Variants in COL4A4 observed in about 807,000 individuals in gnomAD.
COL4A4 encodes collagen alpha-4(IV) chain.
In COL4A4, 105 loss-of-function variants were observed where a neutral mutation model predicts 192.9. That is an observed-to-expected ratio of 0.54 (90% CI 0.46 to 0.64). The LOEUF (loss-of-function observed/expected upper bound fraction) is 0.64, where lower values mean the gene tolerates loss of function less well. COL4A4 is among the 30% of genes least tolerant of loss of function. The probability of loss-of-function intolerance (pLI) is 0.00; values close to 1 mark genes in which losing one functional copy is unlikely to be tolerated. For synonymous variants in COL4A4, 762 were observed against 769.9 expected (o/e 0.99, Z 0.17); for missense variants, 1,967 against 2,169.3 (o/e 0.91, Z 1.85).
chr2:227,160,893 G>A (rs1210736623), intron 1 of COL4A4, among the ~76,000 whole-genome samples: 1 of 152,132 alleles, frequency 6.6e-6, no homozygotes, highest in Admixed American at 6.5e-5. Context: ...GATTCTAAAA[G>A]CACCCAAGAG....
intron 37 of COL4A4, among the ~76,000 whole-genome samples, chr2:227,041,851 A>AG (rs1491095815): frequency 2.8e-3 from 233 of 82,798 alleles, no homozygotes; most frequent in Non-Finnish European, 4.0e-3. Flanking sequence ...AAAGAAAGAG[A>AG]AAGAAAGAAA....
In COL4A4 at chr2:227,051,161, G is replaced by A; in HGVS notation, c.2969-3C>T. 6.2e-7 allele frequency: 1 copy of A among 1,614,086 alleles called. No individual in the cohort carries two copies. ...CATCCCGGGAGTTCCTTTATCACCT[G>A]ATGAAGTTGGAAGTGTTACAGGTCT... On this transcript the variant is annotated splice_region_variant and splice_polypyrimidine_tract_variant and intron_variant, in intron 32 of 47. Coordinates refer to ENST00000396625, the MANE Select transcript of COL4A4 (RefSeq NM_000092.5).
At chr2:227,039,365 C>T (rs1970333575) in intron 37 of COL4A4, among the ~76,000 whole-genome samples, 1 of 152,076 alleles carries the variant, frequency 6.6e-6, no homozygotes, top group Non-Finnish European at 1.5e-5. Flanking sequence ...GATGGGGTTT[C>T]GCTATATGTT....
intron 3 of COL4A4, among the ~76,000 whole-genome samples, chr2:227,143,757 C>T (rs1311256629): frequency 2.0e-5 from 3 of 152,114 alleles, no homozygotes; most frequent in Admixed American, 6.5e-5. Context: ...TCAACAAAGT[C>T]GGGCAAGTCT....
chr2:227,072,237 A>G (rs1351063949), intron 25 of COL4A4, among the ~76,000 whole-genome samples: 1 of 152,102 alleles, frequency 6.6e-6, no homozygotes, highest in Non-Finnish European at 1.5e-5. Flanking sequence ...CCAACACCAC[A>G]GAAATACAAA....
At chr2:227,000,663 G>C (rs1470053617), downstream of COL4A4, among the ~76,000 whole-genome samples, 2 of 152,094 alleles carry the variant, frequency 1.3e-5, no homozygotes, top group African/African-American at 4.8e-5. Context: ...CCTTTCTCCA[G>C]CTCAGAGCAG....
At chr2:227,077,637 A>G (rs2059101225) in intron 25 of COL4A4, among the ~76,000 whole-genome samples, 1 of 151,966 alleles carries the variant, frequency 6.6e-6, no homozygotes, top group Non-Finnish European at 1.5e-5. Flanking sequence ...CATTCTACAT[A>G]TGTATCCCAG....
intron 47 of COL4A4, 129 bp from the exon 48 acceptor site, chr2:227,007,717 A>G (rs1192122373): frequency 7.7e-6 from 10 of 1,307,062 alleles, no homozygotes; most frequent in Non-Finnish European, 1.1e-5. Flanking sequence ...AGAACAAAAT[A>G]CAAGCGCTGA....
rs1236112572 is a variant in COL4A4 at position 227,007,195 on chromosome 2, CACG to C, written c.*127_*129del. ...GGAACCAGAGGACTCTGGGAATAAC[CACG>C]ACAAAACAGAAGGAACCACTGAAAG... is the stretch of plus-strand genomic sequence containing the variant. On this transcript the variant is annotated 3_prime_UTR_variant, in exon 48 of 48. Transcript: ENST00000396625. The C allele has an allele frequency of 3.1e-5, 41 of 1,317,090 alleles. 2 individuals are homozygous for C. The highest frequency in any genetic ancestry group is 2.4e-4 in the Admixed American group (14 of 59,402). The allele number at this position is 1,317,090 out of a possible 1,614,324, so 81.6% of individuals were successfully genotyped here. A position where few individuals can be genotyped will look rare whatever the true frequency, so the allele number is the denominator to read the frequency against.
At position 227,026,860 on chromosome 2, in the gene COL4A4, G is replaced by A. The variant is rs148926436; in HGVS notation, c.4081+1042C>T. Among the ~76,000 whole-genome samples, 66 of 152,276 alleles carry A rather than the reference G, an allele frequency of 4.3e-4. No individual in the cohort carries two copies. The East Asian group carries it at 0.013, about 29-fold the overall frequency. On this transcript the variant is annotated intron_variant, in intron 42 of 47. Transcript: ENST00000396625. ...AAATAAAACATCTAGGAAAATCAAT[G>A]AAAATTCAGGGATCGGAATTGAATA...
intron 4 of COL4A4, among the ~76,000 whole-genome samples, chr2:227,121,766 ATG>A (rs2061810850): frequency 1.3e-5 from 2 of 152,136 alleles, no homozygotes; most frequent in Admixed American, 1.3e-4. Flanking sequence ...GTATGTATGT[ATG>A]TGTGTGCACA....
At chr2:227,040,799 A>C (rs142611191) in intron 37 of COL4A4, among the ~76,000 whole-genome samples, 1,586 of 152,100 alleles carry the variant, frequency 0.01, 36 homozygotes, top group African/African-American at 0.036. Flanking sequence ...ACTGACCTCA[A>C]GTGATCCGCC....
intron 35 of COL4A4, 43 bp downstream of exon 35, chr2:227,047,432 A>T (rs1215312236): frequency 2.9e-6 from 4 of 1,401,044 alleles, no homozygotes; most frequent in Non-Finnish European, 4.1e-6. Context: ...TTTTCAAACT[A>T]AACTACTTTT....
At chr2:226,974,109 G>A in the COL4A4 span, among the ~76,000 whole-genome samples, 1 of 152,208 alleles carries the variant, frequency 6.6e-6, no homozygotes, top group East Asian at 1.9e-4. Flanking sequence ...AGCACTCGGT[G>A]TAACACTTCA....
chr2:227,045,318 C>T (rs1308417804), intron 35 of COL4A4, among the ~76,000 whole-genome samples: 2 of 152,104 alleles, frequency 1.3e-5, no homozygotes, highest in Middle Eastern at 3.2e-3. Flanking sequence ...TACCCAAGAC[C>T]ACAGGTGAAG....
At chr2:227,140,875 T>TCACACACACA (rs71036159) in intron 3 of COL4A4, among the ~76,000 whole-genome samples, 9 of 139,754 alleles carry the variant, frequency 6.4e-5, no homozygotes, top group Non-Finnish European at 1.4e-4. Context: ...CTTTAGAGCA[T>TCACACACACA]CACACACACA....
In COL4A4 at chr2:227,160,493, T is replaced by C. The variant is rs180860916; in HGVS notation, c.-102+3514A>G. ...CCCCTTCTGAGGTGATTAGAGAAGATGTTGAGAGGGAATTTCCAGGAGGTC... is the reference window on the plus strand; with the variant it reads ...CCCCTTCTGAGGTGATTAGAGAAGACGTTGAGAGGGAATTTCCAGGAGGTC... On this transcript the variant is annotated intron_variant, in intron 1 of 47. Transcript: ENST00000396625. 1.1e-3 allele frequency among the ~76,000 whole-genome samples: 168 copies of C among 152,190 alleles called. 1 individual carries two copies. Among genetic ancestry groups the C allele is most frequent in the African/African-American group, 3.8e-3 (158 of 41,510 alleles).
At chr2:227,125,841 C>A (rs2062054033) in intron 4 of COL4A4, among the ~76,000 whole-genome samples, 1 of 152,158 alleles carries the variant, frequency 6.6e-6, no homozygotes, top group Non-Finnish European at 1.5e-5. Flanking sequence ...GACTATCATA[C>A]CCTCTTCACT....
intron 35 of COL4A4, among the ~76,000 whole-genome samples, chr2:227,046,075 A>AC (rs1972779002): frequency 1.4e-5 from 2 of 138,508 alleles, no homozygotes; most frequent in Non-Finnish European, 3.0e-5. Flanking sequence ...ATACATATAT[A>AC]TATTTAGATA....
Sources: gnomAD v4.1 joint callset for allele counts (sites outside exome capture counted in the v4.1 genomes callset) on GRCh38, gnomAD v4.1.1 for gene constraint, MANE v1.5 for transcripts, NCBI Gene and HGNC (gene_info 2026-07-23, HGNC 2026-07-21) for gene names.